SPOCK3: variants seen among roughly 807,000 people sequenced by gnomAD.
The protein encoded by SPOCK3 is SPARC (osteonectin), cwcv and kazal like domains proteoglycan 3.
SPOCK3 carries 30 observed loss-of-function variants against 56.6 expected under a neutral mutation model. That is an observed-to-expected ratio of 0.53 (90% CI 0.40 to 0.72). SPOCK3 has a LOEUF of 0.72. Ranked by LOEUF, SPOCK3 falls within the 30% of genes least tolerant of loss-of-function variation. SPOCK3 has a pLI of 0.00. For missense variants in SPOCK3, 527 were observed against 530.0 expected (o/e 0.99, Z 0.06); for synonymous variants, 196 against 183.3 (o/e 1.07, Z -0.56).
chr4:166,802,256 TAAAC>T (rs1196777226), intron 6 of SPOCK3, among the ~76,000 whole-genome samples: 1 of 151,864 alleles, frequency 6.6e-6, no homozygotes, highest in African/African-American at 2.4e-5. Context: ...TGTGAGAAAA[TAAAC>T]AAGCAGAGGC....
At chr4:166,787,307 T>G (rs919022070) in intron 7 of SPOCK3, among the ~76,000 whole-genome samples, 21 of 152,282 alleles carry the variant, frequency 1.4e-4, no homozygotes, top group African/African-American at 5.1e-4. Flanking sequence ...AAACATTCTT[T>G]GTACAACCAG....
intron 7 of SPOCK3, among the ~76,000 whole-genome samples, chr4:166,765,809 C>G (rs1168894893): frequency 1.3e-5 from 2 of 152,220 alleles, no homozygotes; most frequent in Non-Finnish European, 2.9e-5. Context: ...TTGATTCTTC[C>G]TATCCATGAG....
intron 7 of SPOCK3, among the ~76,000 whole-genome samples, chr4:166,764,199 T>G (rs1177917753): frequency 6.6e-6 from 1 of 151,772 alleles, no homozygotes; most frequent in Non-Finnish European, 1.5e-5. Context: ...GATATCCACT[T>G]TTTTTTTATA....
chr4:166,922,474 T>C (rs944130351), intron 4 of SPOCK3, among the ~76,000 whole-genome samples: 1 of 152,198 alleles, frequency 6.6e-6, no homozygotes, highest in South Asian at 2.1e-4. Flanking sequence ...CTTTTATATG[T>C]CTTGTCAATT....
chr4:166,872,133 A>C (rs560238494), intron 6 of SPOCK3, among the ~76,000 whole-genome samples: 70 of 151,884 alleles, frequency 4.6e-4, no homozygotes, highest in South Asian at 2.1e-4. Flanking sequence ...TTTTCCCCTA[A>C]GGTTCAGAAC....
At chr4:167,110,418 T>G (rs765313931) in intron 2 of SPOCK3, among the ~76,000 whole-genome samples, 19 of 152,074 alleles carry the variant, frequency 1.2e-4, no homozygotes, top group Non-Finnish European at 2.5e-4. Flanking sequence ...GTCTTTACGT[T>G]TTTTAAGAAA....
chr4:166,734,257 A>T lies in SPOCK3; in HGVS notation c.*664T>A, dbSNP rs909846235. 9 of 151,892 alleles carry T rather than the reference A, an allele frequency of 5.9e-5. No individual in the cohort carries two copies. The highest frequency in any genetic ancestry group is 1.0e-4 in the Non-Finnish European group (7 of 67,840). 9.4% of individuals were successfully genotyped at this position (151,892 alleles called of 1,614,324 possible). A position where few individuals can be genotyped will look rare whatever the true frequency, so the allele number is the denominator to read the frequency against. On this transcript the variant is annotated 3_prime_UTR_variant, in exon 11 of 11. Coordinates refer to ENST00000357545, the MANE Select transcript of SPOCK3 (RefSeq NM_001040159.2). ...GACTGCCATCCAAATTAAAATACACATTGGGGAGAACAACTAAATTTTTAA... is the reference window on the plus strand; with the variant it reads ...GACTGCCATCCAAATTAAAATACACTTTGGGGAGAACAACTAAATTTTTAA...
At chr4:167,039,185 T>C (rs951536746) in intron 3 of SPOCK3, among the ~76,000 whole-genome samples, 2 of 152,214 alleles carry the variant, frequency 1.3e-5, no homozygotes, top group African/African-American at 4.8e-5. Context: ...TGTCATCGTG[T>C]GGCCTTGTCC....
chr4:167,217,737 G>C (rs1229058947), intron 2 of SPOCK3, among the ~76,000 whole-genome samples: 1 of 152,006 alleles, frequency 6.6e-6, no homozygotes, highest in Non-Finnish European at 1.5e-5. Flanking sequence ...ATTTAAGAAA[G>C]AAACTTGGTG....
intron 2 of SPOCK3, among the ~76,000 whole-genome samples, chr4:167,113,374 T>TA (rs201744322): frequency 0.084 from 8,091 of 96,084 alleles, 549 homozygotes; most frequent in African/African-American, 0.26. Context: ...CTTCTTACAA[T>TA]TTTTTTTTTT....
chr4:167,069,521 C>T (rs980426255), intron 2 of SPOCK3, among the ~76,000 whole-genome samples: 11 of 151,812 alleles, frequency 7.2e-5, no homozygotes, highest in African/African-American at 2.2e-4. Flanking sequence ...TGGGCTGGTT[C>T]GTAGCGGGCG....
intron 7 of SPOCK3, among the ~76,000 whole-genome samples, chr4:166,782,372 T>C (rs1343084219): frequency 6.6e-6 from 1 of 152,042 alleles, no homozygotes; most frequent in African/African-American, 2.4e-5. Flanking sequence ...GACAATTACA[T>C]CTGAAAACAT....
chr4:166,897,555 AC>A (rs1735523846), intron 5 of SPOCK3, among the ~76,000 whole-genome samples: 1 of 152,164 alleles, frequency 6.6e-6, no homozygotes, highest in Admixed American at 6.5e-5. Context: ...ACTGTGCATT[AC>A]CCCTGCGGGA....
At chr4:167,094,100 C>T (rs1222325896) in intron 2 of SPOCK3, among the ~76,000 whole-genome samples, 3 of 151,980 alleles carry the variant, frequency 2.0e-5, no homozygotes, top group Non-Finnish European at 4.4e-5. Context: ...TTTAAACTCC[C>T]TGCAAATATT....
intron 2 of SPOCK3, among the ~76,000 whole-genome samples, chr4:167,232,133 A>G (rs147752043): frequency 2.6e-4 from 39 of 152,262 alleles, no homozygotes; most frequent in South Asian, 1.0e-3. Context: ...ATAGTAGGCA[A>G]CTCAGCTTGT....
intron 2 of SPOCK3, among the ~76,000 whole-genome samples, chr4:167,221,211 A>C (rs1392668469): frequency 6.6e-6 from 1 of 151,804 alleles, no homozygotes; most frequent in Non-Finnish European, 1.5e-5. Flanking sequence ...AAATTAAAAA[A>C]AAAAAAATTA....
At chr4:167,036,558 A>T (rs1002399551) in intron 3 of SPOCK3, among the ~76,000 whole-genome samples, 1 of 152,218 alleles carries the variant, frequency 6.6e-6, no homozygotes, top group Non-Finnish European at 1.5e-5. Flanking sequence ...CTGAAATAAA[A>T]GACTTCTGAT....
chr4:167,227,587 C>T (rs1040908890), intron 2 of SPOCK3, among the ~76,000 whole-genome samples: 6 of 151,658 alleles, frequency 4.0e-5, no homozygotes, highest in Non-Finnish European at 7.4e-5. Context: ...AATGGGGTGT[C>T]CAAATCTGTA....
intron 3 of SPOCK3, among the ~76,000 whole-genome samples, chr4:167,019,210 A>C (rs897540759): frequency 6.6e-6 from 1 of 152,056 alleles, no homozygotes; most frequent in Non-Finnish European, 1.5e-5. Flanking sequence ...TTGCATTTTG[A>C]GTTAAGCTTT....
Sources: allele counts gnomAD v4.1 joint callset (sites outside exome capture counted in the v4.1 genomes callset), GRCh38; gene constraint gnomAD v4.1.1; transcripts MANE v1.5; gene names NCBI Gene and HGNC (gene_info 2026-07-23, HGNC 2026-07-21).